AHCY: variants seen among roughly 807,000 people sequenced by gnomAD.
The protein encoded by AHCY is S-adenosyl-L-homocysteine hydrolase.
A neutral mutation model predicts 45.4 loss-of-function variants in AHCY; 24 were observed. That is an observed-to-expected ratio of 0.53 (90% CI 0.38 to 0.74). The LOEUF (loss-of-function observed/expected upper bound fraction) is 0.74. AHCY is among the 30% of genes least tolerant of loss of function. AHCY has a pLI of 0.00. For synonymous variants in AHCY, 245 were observed against 235.1 expected, an observed-to-expected ratio of 1.04 and a Z score of -0.39; for missense variants, 449 against 594.1, an observed-to-expected ratio of 0.76 and a Z score of 2.54.
At chr20:34,236,098 GAGAA>G in the AHCY span, among the ~76,000 whole-genome samples, 5 of 146,094 alleles carry the variant, frequency 3.4e-5, no homozygotes, top group East Asian at 2.1e-4. Flanking sequence ...AGGAAGGAAG[GAGAA>G]AGAAAGGAAA....
At chr20:34,236,072 AAGAG>A in the AHCY span, among the ~76,000 whole-genome samples, 1 of 145,840 alleles carries the variant, frequency 6.9e-6, no homozygotes, top group African/African-American at 2.6e-5. Flanking sequence ...GAGAGAAAGA[AAGAG>A]AAAGAGAAGG....
At chr20:34,310,926 G>A (rs1411596931) in intron 1 of AHCY, among the ~76,000 whole-genome samples, 1 of 152,130 alleles carries the variant, frequency 6.6e-6, no homozygotes, top group Non-Finnish European at 1.5e-5. Flanking sequence ...AGGAGTTCGA[G>A]ATCGGCCTGG....
At chr20:34,255,074 C>T in the AHCY span, among the ~76,000 whole-genome samples, 3,124 of 152,238 alleles carry the variant, frequency 0.021, 52 homozygotes, top group Middle Eastern at 0.031. Context: ...ATAGTGTTTA[C>T]ATTAGGCTTA....
intron 1 of AHCY, among the ~76,000 whole-genome samples, chr20:34,309,276 A>G (rs2036925419): frequency 6.6e-6 from 1 of 152,004 alleles, no homozygotes; most frequent in Non-Finnish European, 1.5e-5. Context: ...ATCTATTTCT[A>G]TCTATTAGTT....
chr20:34,252,231 G>A, the AHCY span, among the ~76,000 whole-genome samples: 8 of 152,288 alleles, frequency 5.3e-5, 1 homozygote, highest in South Asian at 6.2e-4. Flanking sequence ...CCAGGAGACC[G>A]GTGCTCAGTA....
At chr20:34,284,219 G>A (rs2036096115) in intron 9 of AHCY, among the ~76,000 whole-genome samples, 1 of 152,066 alleles carries the variant, frequency 6.6e-6, no homozygotes, top group Non-Finnish European at 1.5e-5. Flanking sequence ...GAGTGCAGTG[G>A]CACAATCTCG....
chr20:34,246,066 C>T, the AHCY span: 5 of 883,388 alleles, frequency 5.7e-6, no homozygotes, highest in Non-Finnish European at 9.4e-6. Flanking sequence ...TTTCATCCTC[C>T]CCATTACTGA....
chr20:34,303,416 C>A, upstream of AHCY: 2 of 1,233,942 alleles, frequency 1.6e-6, no homozygotes, highest in Non-Finnish European at 2.3e-6. Context: ...TCATGACCCG[C>A]TGGGGCGGGG....
the AHCY span, among the ~76,000 whole-genome samples, chr20:34,238,286 T>C: frequency 2.0e-5 from 3 of 152,132 alleles, no homozygotes; most frequent in Non-Finnish European, 4.4e-5. Flanking sequence ...AGAGAATGCA[T>C]ATGTTTTTCT....
chr20:34,281,181 G>C lies in AHCY; in HGVS notation c.1168-16C>G. 6.2e-7 allele frequency: 1 copy of C among 1,612,208 alleles called. No homozygotes were observed. ...CCTCATCCAGCTGGGGAGAAACAAAGGAAGACCGGGAATCAGTGCCATTTT... is the reference window on the plus strand; with the variant it reads ...CCTCATCCAGCTGGGGAGAAACAAACGAAGACCGGGAATCAGTGCCATTTT... On this transcript the variant is annotated splice_polypyrimidine_tract_variant and intron_variant, in intron 9 of 9. Coordinates refer to ENST00000217426, the MANE Select transcript of AHCY (RefSeq NM_000687.4).
chr20:34,258,698 A>ATATATATATATATATATATAC, the AHCY span, among the ~76,000 whole-genome samples: 1 of 62,048 alleles, frequency 1.6e-5, no homozygotes, highest in African/African-American at 8.8e-5. Context: ...TATACATACT[A>ATATATATATATATATATATAC]TATATATATA....
intron 1 of AHCY, among the ~76,000 whole-genome samples, chr20:34,301,130 C>A (rs1487939294): frequency 6.6e-6 from 1 of 152,100 alleles, no homozygotes; most frequent in Non-Finnish European, 1.5e-5. Flanking sequence ...CAGAGAGGAC[C>A]CAGAGAGGAG....
chr20:34,281,573 A>G (rs2036002620), intron 9 of AHCY: 1 of 304,792 alleles, frequency 3.3e-6, no homozygotes, highest in Admixed American at 4.4e-5. Context: ...ACCAGTTCCA[A>G]GTCTATTTTA....
chr20:34,308,955 A>AG (rs2036921583), intron 1 of AHCY, among the ~76,000 whole-genome samples: 1 of 89,580 alleles, frequency 1.1e-5, no homozygotes, highest in African/African-American at 4.7e-5. Flanking sequence ...CGCCTGGCCA[A>AG]TTTTTTTTTT....
Position 34,294,051 on chromosome 20 carries a change from T to A in AHCY, c.295+30A>T, listed in dbSNP as rs371205281. The A allele has an allele frequency of 1.3e-3, 2,137 of 1,610,050 alleles. 3 individuals are homozygous for A. Among genetic ancestry groups the A allele is most frequent in the Non-Finnish European group, 1.6e-3 (1,934 of 1,176,464 alleles). ...AAAGAGGGCAGAATCCCTTCACAAA[T>A]TCCACGTCTCAGAAGCAAGCAGGAC... On this transcript the variant is annotated intron_variant, in intron 3 of 9. Transcript: ENST00000217426.
At chr20:34,299,728 T>A (rs1245217809) in intron 1 of AHCY, among the ~76,000 whole-genome samples, 1 of 152,176 alleles carries the variant, frequency 6.6e-6, no homozygotes, top group East Asian at 1.9e-4. Context: ...ACTCTCCCAA[T>A]CTTCCCATTT....
At chr20:34,272,816 C>T in the AHCY span, among the ~76,000 whole-genome samples, 2 of 151,988 alleles carry the variant, frequency 1.3e-5, no homozygotes, top group Non-Finnish European at 2.9e-5. Context: ...CCCAGGAGGT[C>T]GAGGCTGCAG....
chr20:34,300,098 T>C (rs1260709165), intron 1 of AHCY, among the ~76,000 whole-genome samples: 1 of 152,076 alleles, frequency 6.6e-6, no homozygotes, highest in African/African-American at 2.4e-5. Context: ...GGCAGGAGAA[T>C]TGCTTGAACC....
At chr20:34,259,582 C>CA in the AHCY span, among the ~76,000 whole-genome samples, 1 of 151,894 alleles carries the variant, frequency 6.6e-6, no homozygotes, top group Non-Finnish European at 1.5e-5. Flanking sequence ...CCTGTCTCTA[C>CA]AAAAAATACA....
Sources: allele counts gnomAD v4.1 joint callset (sites outside exome capture counted in the v4.1 genomes callset), GRCh38; gene constraint gnomAD v4.1.1; transcripts MANE v1.5; gene names NCBI Gene and HGNC (gene_info 2026-07-23, HGNC 2026-07-21).